Variants in PPTC7 observed in about 807,000 individuals in gnomAD.
PPTC7 encodes the protein protein phosphatase PTC7 homolog.
Under a neutral mutation model 30.8 loss-of-function variants are expected in PPTC7, and 6 were observed. The observed-to-expected ratio is 0.19, with a 90% CI of 0.11 to 0.38. The LOEUF (loss-of-function observed/expected upper bound fraction) is 0.38. PPTC7 is among the 10% of genes least tolerant of loss of function. The probability of loss-of-function intolerance (pLI) is 1.00; values close to 1 mark genes in which losing one functional copy is unlikely to be tolerated. For missense variants in PPTC7, 218 were observed against 404.8 expected, an observed-to-expected ratio of 0.54 and a Z score of 3.96; for synonymous variants, 163 against 168.1, an observed-to-expected ratio of 0.97 and a Z score of 0.23.
In PPTC7 at chr12:110,551,772, A is replaced by G. The variant is rs997794082; in HGVS notation, c.403+17T>C. Reference sequence around the variant, plus strand: ...AGGGGGCTTCTTTAGAGGAAAACACATAAGATACCCACTTACCGAGCAAAG... The same window carrying G: ...AGGGGGCTTCTTTAGAGGAAAACACGTAAGATACCCACTTACCGAGCAAAG... On this transcript the variant is annotated intron_variant, in intron 2 of 5. Transcript: ENST00000354300. 1.2e-5 allele frequency: 20 copies of G among 1,607,824 alleles called. 1 individual carries two copies. The highest frequency in any genetic ancestry group is 5.0e-5 in the Admixed American group (3 of 59,416).
rs2064232297 is a variant in PPTC7, at chr12:110,538,092, AC to A, written c.856+51del. 1.3e-5 allele frequency: 20 copies of A among 1,595,888 alleles called. No individual in the cohort carries two copies. In the South Asian group the frequency reaches 2.3e-4, roughly 18 times the overall value. ...CCCAGAGCCCAGAATGCTCCACTCT[AC>A]TGACACCATGTCCCCAGTCAGTCCC... On this transcript the variant is annotated intron_variant, in intron 5 of 5. Coordinates refer to ENST00000354300, the MANE Select transcript of PPTC7 (RefSeq NM_139283.2).
chr12:110,561,715 G>A (rs2064439062), intron 1 of PPTC7, among the ~76,000 whole-genome samples: 1 of 152,196 alleles, frequency 6.6e-6, no homozygotes, highest in Non-Finnish European at 1.5e-5. Flanking sequence ...CCAGCACTGT[G>A]GGAGGCTGAG....
intron 1 of PPTC7, among the ~76,000 whole-genome samples, chr12:110,568,397 C>A (rs1053401009): frequency 6.6e-6 from 1 of 152,000 alleles, no homozygotes; most frequent in African/African-American, 2.4e-5. Context: ...GGACTACAGG[C>A]GCCTGCCACC....
intron 3 of PPTC7, among the ~76,000 whole-genome samples, chr12:110,541,285 G>C (rs2064257284): frequency 6.6e-6 from 1 of 151,990 alleles, no homozygotes; most frequent in African/African-American, 2.4e-5. Flanking sequence ...AGGAGGCTGA[G>C]GCAGGAGAAT....
chr12:110,577,675 C>T (rs2064601099), intron 1 of PPTC7, among the ~76,000 whole-genome samples: 1 of 151,986 alleles, frequency 6.6e-6, no homozygotes, highest in African/African-American at 2.4e-5. Flanking sequence ...GATCCAAAGG[C>T]TGGGATATGA....
chr12:110,550,512 G>A (rs1041229931), intron 2 of PPTC7, among the ~76,000 whole-genome samples: 1 of 152,138 alleles, frequency 6.6e-6, no homozygotes, highest in Non-Finnish European at 1.5e-5. Flanking sequence ...TTACAGGCGT[G>A]AGCTGCCGCC....
At chr12:110,568,685 A>G (rs2064507436) in intron 1 of PPTC7, among the ~76,000 whole-genome samples, 1 of 152,256 alleles carries the variant, frequency 6.6e-6, no homozygotes, top group Admixed American at 6.5e-5. Context: ...AGCAACCAAT[A>G]AACAATGAAT....
At chr12:110,579,765 C>A (rs187289764) in intron 1 of PPTC7, among the ~76,000 whole-genome samples, 1 of 152,136 alleles carries the variant, frequency 6.6e-6, no homozygotes, top group East Asian at 1.9e-4. Context: ...GTAATCCCAG[C>A]AGTTTGGGAG....
At chr12:110,565,023 C>T (rs774502669) in intron 1 of PPTC7, among the ~76,000 whole-genome samples, 4 of 151,138 alleles carry the variant, frequency 2.6e-5, no homozygotes, top group Non-Finnish European at 5.9e-5. Flanking sequence ...TACAGGCACC[C>T]GTCACCATGC....
chr12:110,560,640 G>C (rs1665207021), intron 1 of PPTC7, among the ~76,000 whole-genome samples: 1 of 152,144 alleles, frequency 6.6e-6, no homozygotes, highest in Non-Finnish European at 1.5e-5. Context: ...AGACTGACAT[G>C]CAGTTACCTA....
intron 1 of PPTC7, among the ~76,000 whole-genome samples, chr12:110,581,618 T>C (rs1424113251): frequency 1.3e-5 from 2 of 152,214 alleles, no homozygotes. Flanking sequence ...ACCCAGGTAA[T>C]GGGGTCATTC....
chr12:110,554,651 A>G (rs142234967), intron 1 of PPTC7, among the ~76,000 whole-genome samples: 1 of 152,316 alleles, frequency 6.6e-6, no homozygotes, highest in African/African-American at 2.4e-5. Context: ...AGTGTTTATG[A>G]AAGTCAATAA....
chr12:110,557,569 G>A (rs1418277554), intron 1 of PPTC7, among the ~76,000 whole-genome samples: 1 of 152,128 alleles, frequency 6.6e-6, no homozygotes, highest in South Asian at 2.1e-4. Flanking sequence ...TGAGCCACAG[G>A]ATCTGGCCAA....
chr12:110,552,695 T>G (rs2064357637), intron 1 of PPTC7, among the ~76,000 whole-genome samples: 1 of 152,154 alleles, frequency 6.6e-6, no homozygotes, highest in African/African-American at 2.4e-5. Context: ...AAACCCCGTC[T>G]CTACTAAAAA....
chr12:110,556,531 A>C (rs2064388539), intron 1 of PPTC7, among the ~76,000 whole-genome samples: 1 of 152,224 alleles, frequency 6.6e-6, no homozygotes, highest in East Asian at 1.9e-4. Context: ...AATACCCTTT[A>C]AACAGTGGAA....
At chr12:110,582,433 G>A (rs2064645589) in intron 1 of PPTC7, among the ~76,000 whole-genome samples, 1 of 152,220 alleles carries the variant, frequency 6.6e-6, no homozygotes, top group South Asian at 2.1e-4. Flanking sequence ...GGCATGCGGA[G>A]AGGGAACCAG....
Position 110,536,312 on chromosome 12 carries a change from C to G in PPTC7, c.*725G>C, listed in dbSNP as rs762837814. On this transcript the variant is annotated 3_prime_UTR_variant, in exon 6 of 6. Transcript: ENST00000354300. Reference sequence around the variant, plus strand: ...TGTCTCCCCTACCCCTCCTGGAGATCAGGCCTTAGCCTGTGATTTGGACTA... The same window carrying G: ...TGTCTCCCCTACCCCTCCTGGAGATGAGGCCTTAGCCTGTGATTTGGACTA... The G allele has an allele frequency of 1.3e-5, 2 of 152,224 alleles. No homozygotes were observed. The allele number at this position is 152,224 out of a possible 1,614,324, so 9.4% of individuals were successfully genotyped here. A position where few individuals can be genotyped will look rare whatever the true frequency, so the allele number is the denominator to read the frequency against.
intron 3 of PPTC7, 59 bp downstream of exon 3, chr12:110,545,821 G>A (rs2064301768): frequency 3.4e-6 from 5 of 1,489,098 alleles, no homozygotes; most frequent in African/African-American, 1.4e-5. Flanking sequence ...AGGGGGACAG[G>A]AGGGGACTAT....
intron 3 of PPTC7, among the ~76,000 whole-genome samples, chr12:110,543,581 G>T (rs1008139838): frequency 2.0e-5 from 3 of 152,048 alleles, no homozygotes; most frequent in Non-Finnish European, 4.4e-5. Context: ...TTAATGACCA[G>T]GTTGGCACTG....
Sources: gnomAD v4.1 joint callset for allele counts (sites outside exome capture counted in the v4.1 genomes callset) on GRCh38, gnomAD v4.1.1 for gene constraint, MANE v1.5 for transcripts, NCBI Gene and HGNC (gene_info 2026-07-23, HGNC 2026-07-21) for gene names.